PRCP: variants seen among roughly 807,000 people sequenced by gnomAD.
PRCP encodes the protein prolylcarboxypeptidase, also known as lysosomal Pro-X carboxypeptidase.
Under a neutral mutation model 54.2 loss-of-function variants are expected in PRCP, and 46 were observed. The ratio of observed to expected loss-of-function variants is 0.85; its 90% CI spans 0.67 to 1.09. PRCP has a LOEUF of 1.09. PRCP is among the 50% of genes least tolerant of loss of function. The pLI, the probability that PRCP is intolerant of heterozygous loss-of-function variation, is 0.00. For synonymous variants in PRCP, 240 were observed against 212.2 expected (o/e 1.13, Z -1.14); for missense variants, 613 against 596.8 (o/e 1.03, Z -0.28).
chr11:82,847,718 A>C lies in PRCP; in HGVS notation c.921+1331T>G, dbSNP rs1402291620. 3.3e-5 allele frequency among the ~76,000 whole-genome samples: 5 copies of C among 152,068 alleles called. No homozygotes were observed. The East Asian group carries it at 9.7e-4, about 29-fold the overall frequency. Reference sequence around the variant, plus strand: ...AGCAATCATCCCGCCTTAGCCTCCCAAGCAGCTGGAACTACAGGCAGGCAC... The same window carrying C: ...AGCAATCATCCCGCCTTAGCCTCCCCAGCAGCTGGAACTACAGGCAGGCAC... On this transcript the variant is annotated intron_variant, in intron 6 of 8. Transcript: ENST00000313010.
intron 1 of PRCP, among the ~76,000 whole-genome samples, chr11:82,889,558 G>C (rs1859953062): frequency 6.6e-6 from 1 of 152,072 alleles, no homozygotes; most frequent in Non-Finnish European, 1.5e-5. Flanking sequence ...AGACGCAGCA[G>C]CAGGAGCAGC....
chr11:82,855,322 A>C (rs138419044), intron 2 of PRCP, among the ~76,000 whole-genome samples: 126 of 152,352 alleles, frequency 8.3e-4, no homozygotes, highest in African/African-American at 3.0e-3. Flanking sequence ...AAGGAACTTA[A>C]ATTTACAAGA....
At chr11:82,889,003 A>AGAGG (rs1859934437) in intron 1 of PRCP, among the ~76,000 whole-genome samples, 1 of 147,914 alleles carries the variant, frequency 6.8e-6, no homozygotes, top group African/African-American at 2.6e-5. Context: ...CAAGGCTAGA[A>AGAGG]TAAGACATGT....
chr11:82,854,890 TAAATA>T (rs1205014486), intron 2 of PRCP, among the ~76,000 whole-genome samples: 1 of 152,160 alleles, frequency 6.6e-6, no homozygotes, highest in Admixed American at 6.5e-5. Context: ...AACCTGATCT[TAAATA>T]AAGTCAACAA....
At chr11:82,852,672 G>A (rs558139336) in intron 3 of PRCP, among the ~76,000 whole-genome samples, 1 of 152,194 alleles carries the variant, frequency 6.6e-6, no homozygotes, top group African/African-American at 2.4e-5. Context: ...CTGTGACAAA[G>A]GCCAAAGCTC....
rs773875659 is a variant in PRCP, at chr11:82,860,062, G to A, written c.224C>T (p.Ala75Val). The change falls in exon 2 of 9, where the codon GCT (alanine) becomes GTT (valine). Residue 75 changes from alanine (A) to valine (V), a missense_variant. By Grantham distance (64) the Ala-to-Val change is moderately conservative. Transcript: ENST00000313010. Reference protein sequence around the residue: ...VKTFNQRYLVADKYWKKNGGS... With the variant: ...VKTFNQRYLVVDKYWKKNGGS... ...ACCATTTTTCTTCCAGTATTTATCA[G>A]CTACTAGGTACCGCTGATTAAAAGT... The A allele has an allele frequency of 2.0e-5, 32 of 1,585,888 alleles. No homozygotes were observed. The highest frequency in any genetic ancestry group is 2.7e-5 in the Non-Finnish European group (32 of 1,166,638).
intron 3 of PRCP, 117 bp downstream of exon 3, chr11:82,853,060 C>A: frequency 1.6e-6 from 1 of 644,284 alleles, no homozygotes; most frequent in Non-Finnish European, 2.5e-6. Flanking sequence ...TAAATATAAA[C>A]TATTGAGCTT....
At chr11:82,877,534 A>G (rs2121229158) in intron 1 of PRCP, among the ~76,000 whole-genome samples, 1 of 152,136 alleles carries the variant, frequency 6.6e-6, no homozygotes, top group East Asian at 1.9e-4. Context: ...TGTCCTAGCC[A>G]CTCCATCCAT....
chr11:82,854,003 C>T (rs1012129827), intron 2 of PRCP, among the ~76,000 whole-genome samples: 37 of 152,090 alleles, frequency 2.4e-4, no homozygotes, highest in African/African-American at 8.2e-4. Context: ...AGGAACATAC[C>T]GCAACATAAT....
intron 1 of PRCP, among the ~76,000 whole-genome samples, chr11:82,872,023 AGAT>A (rs1267240234): frequency 6.6e-6 from 1 of 152,234 alleles, no homozygotes; most frequent in East Asian, 1.9e-4. Context: ...CAGTACAACA[AGAT>A]ATTTTGAGAG....
In PRCP at chr11:82,839,284, C is replaced by G; in HGVS notation, c.1063G>C (p.Gly355Arg). The G allele has an allele frequency of 6.2e-7, 1 of 1,613,774 alleles. No individual in the cohort carries two copies. The highest frequency in any genetic ancestry group is 8.5e-7 in the Non-Finnish European group (1 of 1,179,900). The change falls in exon 7 of 9, where the codon GGA (glycine) becomes CGA (arginine). Residue 355 changes from glycine to arginine, a missense_variant. Transcript: ENST00000313010. ...ACCTGATAGCTCCAACCCAGTGTTC[C>G]CAGACTGCTAGTTGCTGTCTCTGAA... The part of the protein sequence containing the change: ...NISETATSSL[G>R]TLGWSYQACT...
chr11:82,846,498 C>T (rs1858812871), intron 6 of PRCP, among the ~76,000 whole-genome samples: 1 of 151,874 alleles, frequency 6.6e-6, no homozygotes, highest in Non-Finnish European at 1.5e-5. Context: ...ATCATAAATA[C>T]CAGCAATCAA....
chr11:82,835,506 G>C (rs1858498840), intron 8 of PRCP: 1 of 253,138 alleles, frequency 4.0e-6, no homozygotes, highest in Non-Finnish European at 7.7e-6. Context: ...TTGAGCCACA[G>C]CCACGTCCGG....
At chr11:82,870,349 A>T (rs1859449708) in intron 1 of PRCP, among the ~76,000 whole-genome samples, 2 of 152,194 alleles carry the variant, frequency 1.3e-5, no homozygotes, top group Non-Finnish European at 2.9e-5. Context: ...AAGTAATTGG[A>T]GGGAATAGTT....
intron 7 of PRCP, 113 bp from the exon 8 acceptor site, chr11:82,838,687 G>C (rs1858589140): frequency 9.9e-7 from 1 of 1,011,286 alleles, no homozygotes; most frequent in Non-Finnish European, 1.4e-6. Context: ...TTGAACTCAG[G>C]CAAGGCAGCT....
At chr11:82,878,103 G>T (rs372080767) in intron 1 of PRCP, among the ~76,000 whole-genome samples, 3 of 152,180 alleles carry the variant, frequency 2.0e-5, no homozygotes, top group African/African-American at 7.2e-5. Context: ...TTTCGGACTT[G>T]CATGGGGCCT....
intron 5 of PRCP, among the ~76,000 whole-genome samples, chr11:82,849,713 T>C (rs1565222987): frequency 6.6e-6 from 1 of 152,232 alleles, no homozygotes; most frequent in Non-Finnish European, 1.5e-5. Flanking sequence ...CGCCCTTTAC[T>C]GATTTAAATG....
At chr11:82,838,188 T>G (rs1384147098) in intron 8 of PRCP, among the ~76,000 whole-genome samples, 199 bp downstream of exon 8, 3 of 152,202 alleles carry the variant, frequency 2.0e-5, no homozygotes, top group Admixed American at 1.3e-4. Context: ...TTTAAGACTT[T>G]CATAAAGCAC....
intron 2 of PRCP, among the ~76,000 whole-genome samples, chr11:82,853,735 C>G (rs553151667): frequency 6.6e-6 from 1 of 152,022 alleles, no homozygotes; most frequent in Non-Finnish European, 1.5e-5. Flanking sequence ...ATATCCCTGA[C>G]GAAAATAGAT....
Sources: gnomAD v4.1 joint callset for allele counts (sites outside exome capture counted in the v4.1 genomes callset) on GRCh38, gnomAD v4.1.1 for gene constraint, MANE v1.5 for transcripts, NCBI Gene and HGNC (gene_info 2026-07-23, HGNC 2026-07-21) for gene names.